ANKRD11: variants seen among roughly 807,000 people sequenced by gnomAD.
The protein encoded by ANKRD11 is ankyrin repeat domain-containing protein 11.
ANKRD11 carries 17 observed loss-of-function variants against 195.7 expected under a neutral mutation model. The ratio of observed to expected loss-of-function variants is 0.09; its 90% CI spans 0.06 to 0.13. The LOEUF (loss-of-function observed/expected upper bound fraction) is 0.13, where lower values mean the gene tolerates loss of function less well. Ranked by LOEUF, ANKRD11 falls within the 10% of genes least tolerant of loss-of-function variation. The pLI, the probability that ANKRD11 is intolerant of heterozygous loss-of-function variation, is 1.00. For synonymous variants in ANKRD11, 1,953 were observed against 1,528.1 expected (o/e 1.28, Z -6.49); for missense variants, 3,735 against 3,566.1 (o/e 1.05, Z -1.21).
chr16:89,418,680 T>G (rs2042394885), intron 1 of ANKRD11, among the ~76,000 whole-genome samples: 1 of 152,208 alleles, frequency 6.6e-6, no homozygotes, highest in Non-Finnish European at 1.5e-5. Context: ...CTCTGGGGCT[T>G]TTTATACGTA....
rs1350132445 is a variant in ANKRD11, at chr16:89,279,647, C to T, written c.6895G>A (p.Ala2299Thr). 1.4e-6 allele frequency: 2 copies of T among 1,440,300 alleles called. No individual in the cohort carries two copies. The highest frequency in any genetic ancestry group is 1.8e-6 in the Non-Finnish European group (2 of 1,102,606). The allele number at this position is 1,440,300 out of a possible 1,614,324, so 89.2% of individuals were successfully genotyped here. A position where few individuals can be genotyped will look rare whatever the true frequency, so the allele number is the denominator to read the frequency against. The change falls in exon 9 of 13, where the codon GCC becomes ACC. Residue 2299 changes from alanine to threonine, a missense_variant. By Grantham distance (58) the Ala-to-Thr change is moderately conservative (BLOSUM62 0). Transcript: ENST00000301030. This position sits in a 1 kb window ranked among gnomAD's most constrained non-coding sequence, Gnocchi z 5.6. Reference protein sequence around the residue: ...GPEDDTEASRAAAPAEGPPGG... With the variant: ...GPEDDTEASRTAAPAEGPPGG... ...GGAGGGCCTTCGGCTGGGGCGGCGG[C>T]ACGGGAGGCCTCAGTGTCGTCCTCG...
chr16:89,374,861 C>G (rs2040351359), intron 2 of ANKRD11, among the ~76,000 whole-genome samples: 1 of 151,976 alleles, frequency 6.6e-6, no homozygotes, highest in Admixed American at 6.6e-5. Context: ...AACAAATACA[C>G]TGAAAAACTT....
At chr16:89,327,019 G>C (rs1408005018) in intron 2 of ANKRD11, among the ~76,000 whole-genome samples, 5 of 151,650 alleles carry the variant, frequency 3.3e-5, no homozygotes, top group Non-Finnish European at 5.9e-5. Context: ...GAATGCAGAG[G>C]TGGGGAATGC....
intron 1 of ANKRD11, among the ~76,000 whole-genome samples, chr16:89,430,529 C>CA (rs1288102189): frequency 6.6e-6 from 1 of 151,490 alleles, no homozygotes; most frequent in East Asian, 1.9e-4. Flanking sequence ...TCTCAACTCT[C>CA]ACGCTCAGAC....
intron 2 of ANKRD11, among the ~76,000 whole-genome samples, chr16:89,358,284 C>T (rs997055497): frequency 2.0e-5 from 3 of 152,224 alleles, no homozygotes; most frequent in South Asian, 2.1e-4. Context: ...AGCACACAGG[C>T]GTGTTCCTTC....
At chr16:89,352,918 G>A (rs2039288671) in intron 2 of ANKRD11, among the ~76,000 whole-genome samples, 1 of 152,040 alleles carries the variant, frequency 6.6e-6, no homozygotes, top group Non-Finnish European at 1.5e-5. Context: ...AAGCAAAGGG[G>A]GTCACTACAA....
At chr16:89,421,565 C>T (rs2965821) in intron 1 of ANKRD11, among the ~76,000 whole-genome samples, 8 of 71,226 alleles carry the variant, frequency 1.1e-4, no homozygotes, top group East Asian at 4.5e-4. Flanking sequence ...TGTCTGGGGG[C>T]GGGGGTGAGA....
At chr16:89,377,928 G>A (rs2040491785) in intron 2 of ANKRD11, among the ~76,000 whole-genome samples, 1 of 151,694 alleles carries the variant, frequency 6.6e-6, no homozygotes, top group African/African-American at 2.4e-5. Flanking sequence ...TGAGGATGAA[G>A]ACCTTCATGA....
At chr16:89,296,195 G>A (rs146290962) in intron 4 of ANKRD11, among the ~76,000 whole-genome samples, 1 of 151,740 alleles carries the variant, frequency 6.6e-6, no homozygotes, top group Non-Finnish European at 1.5e-5. Flanking sequence ...TCACGTCAGA[G>A]TCATATTTAA....
chr16:89,410,132 T>C (rs2042058914), intron 2 of ANKRD11, among the ~76,000 whole-genome samples: 1 of 152,122 alleles, frequency 6.6e-6, no homozygotes, highest in South Asian at 2.1e-4. Flanking sequence ...AGCCACCGCG[T>C]CCAGCCTCAA....
In ANKRD11 at chr16:89,326,851, T is replaced by C. The variant is rs147975527; in HGVS notation, c.-59-9773A>G. On this transcript the variant is annotated intron_variant, in intron 2 of 12. Coordinates refer to ENST00000301030, the MANE Select transcript of ANKRD11 (RefSeq NM_013275.6). ...TAAGAAAGGGGCTTAACACAAAGCC[T>C]GCCCGCCAGGGGCTGCTGGTGGCAT... Among the ~76,000 whole-genome samples the C allele has an allele frequency of 4.4e-3, 668 of 152,324 alleles. 6 individuals carry two copies. Among genetic ancestry groups the C allele is most frequent in the African/African-American group, 0.016 (648 of 41,578 alleles).
intron 2 of ANKRD11, among the ~76,000 whole-genome samples, chr16:89,322,119 A>G (rs1238444353): frequency 1.3e-5 from 2 of 152,194 alleles, no homozygotes; most frequent in African/African-American, 4.8e-5. Flanking sequence ...GGGAAAGTTA[A>G]AAGTTCTACA....
At chr16:89,303,162 TG>T (rs1245896341) in intron 4 of ANKRD11, among the ~76,000 whole-genome samples, 1 of 152,192 alleles carries the variant, frequency 6.6e-6, no homozygotes, top group Non-Finnish European at 1.5e-5. Flanking sequence ...CAGAAGCAGA[TG>T]CTTGTCTCAT....
intron 2 of ANKRD11, among the ~76,000 whole-genome samples, chr16:89,322,865 G>A (rs1371822534): frequency 7.9e-5 from 12 of 152,228 alleles, no homozygotes; most frequent in Non-Finnish European, 1.0e-4. Flanking sequence ...TTGTTTGTTT[G>A]TTTGAGACAG....
At chr16:89,473,616 G>GA (rs2057160802) in intron 1 of ANKRD11, among the ~76,000 whole-genome samples, 1 of 152,242 alleles carries the variant, frequency 6.6e-6, no homozygotes, top group African/African-American at 2.4e-5. Flanking sequence ...GGAGAGAGAA[G>GA]AGACGCACCG....
rs1317206690 is a variant in ANKRD11 at position 89,313,403 on chromosome 16, A to G, written c.87+3530T>C. ...CGGTTCTGGGATTCCGTGGTCGGCA[A>G]TGGTGAGAGACCGTCTGCAGAAGGG... On this transcript the variant is annotated intron_variant, in intron 3 of 12. Coordinates refer to ENST00000301030, the MANE Select transcript of ANKRD11 (RefSeq NM_013275.6). The G allele has an allele frequency of 9.3e-6, 12 of 1,288,808 alleles. No individual in the cohort carries two copies. In the Admixed American group the frequency reaches 2.1e-4, roughly 22 times the overall value. 79.8% of individuals were successfully genotyped at this position (1,288,808 alleles called of 1,614,324 possible).
chr16:89,374,077 G>C (rs1390051110), intron 2 of ANKRD11, among the ~76,000 whole-genome samples: 1 of 152,150 alleles, frequency 6.6e-6, no homozygotes, highest in Non-Finnish European at 1.5e-5. Flanking sequence ...CGCAGAGAGG[G>C]GTGTTAACCC....
chr16:89,312,952 A>G (rs551968330), intron 3 of ANKRD11, among the ~76,000 whole-genome samples: 2 of 152,324 alleles, frequency 1.3e-5, no homozygotes, highest in African/African-American at 4.8e-5. Flanking sequence ...ACCAGATGTG[A>G]GTCTGTAACT....
At position 89,282,148 on chromosome 16, in the gene ANKRD11, T is replaced by C. The variant is rs960634497; in HGVS notation, c.4394A>G (p.His1465Arg). ...ILKEKKKREKHREKWRDEKER... is the reference protein window; with the variant it reads ...ILKEKKKREKRREKWRDEKER... ...CTTCTCGTCTCTCCATTTCTCCCTG[T>C]GTTTCTCTCTCTTCTTCTTCTCTTT... The change falls in exon 9 of 13, where the codon CAC becomes CGC. Residue 1465 changes from histidine (H) to arginine (R), a missense_variant. By Grantham distance (29) the His-to-Arg change is conservative. Transcript: ENST00000301030. 1.9e-6 allele frequency: 3 copies of C among 1,613,958 alleles called. No homozygotes were observed. The African/African-American group carries it at 4.0e-5, about 22-fold the overall frequency.
Sources: gnomAD v4.1 joint callset for allele counts (sites outside exome capture counted in the v4.1 genomes callset) on GRCh38, gnomAD v4.1.1 for gene constraint, Gnocchi (gnomAD v3.1) non-coding constraint, MANE v1.5 for transcripts, NCBI Gene and HGNC (gene_info 2026-07-23, HGNC 2026-07-21) for gene names.